The following TENM2 variants were observed in gnomAD, a reference collection of about 807,000 sequenced individuals.
TENM2 encodes teneurin transmembrane protein 2.
Under a neutral mutation model 245.2 loss-of-function variants are expected in TENM2, and 52 were observed. The observed-to-expected ratio is 0.21, with a 90% CI of 0.17 to 0.27. The LOEUF (loss-of-function observed/expected upper bound fraction) is 0.27, where lower values mean the gene tolerates loss of function less well. TENM2 is among the 10% of genes least tolerant of loss of function. The pLI is 1.00. For missense variants in TENM2, 3,046 were observed against 3,666.8 expected, an observed-to-expected ratio of 0.83 and a Z score of 4.37; for synonymous variants, 1,363 against 1,438.9, an observed-to-expected ratio of 0.95 and a Z score of 1.19.
the TENM2 span, among the ~76,000 whole-genome samples, chr5:166,981,971 T>C: frequency 6.6e-6 from 1 of 152,212 alleles, no homozygotes; most frequent in Non-Finnish European, 1.5e-5. Context: ...ATGGGTTTAT[T>C]ATGATAATAA....
chr5:167,104,169 A>G, the TENM2 span, among the ~76,000 whole-genome samples: 10,509 of 151,598 alleles, frequency 0.069, 1,217 homozygotes, highest in African/African-American at 0.24. Flanking sequence ...AGCCCTTTGA[A>G]GGCAAGACTG....
exon 3 of TENM2, chr5:167,876,129 G>A: frequency 6.4e-7 from 1 of 1,551,582 alleles, no homozygotes. Flanking sequence ...CAACCCTGAT[G>A]AGGAATTCTC....
chr5:167,443,776 A>C (rs893729991), intron 2 of TENM2, among the ~76,000 whole-genome samples: 1 of 152,144 alleles, frequency 6.6e-6, no homozygotes, highest in Non-Finnish European at 1.5e-5. Flanking sequence ...CTAATTTATT[A>C]TTAAAATAAT....
chr5:167,590,674 A>AT (rs761945242), intron 2 of TENM2, among the ~76,000 whole-genome samples: 1 of 151,894 alleles, frequency 6.6e-6, no homozygotes, highest in African/African-American at 2.4e-5. Context: ...CCTCAGTAGT[A>AT]TTTTTTTCCT....
At chr5:168,097,901 G>A (rs1203900112) in intron 8 of TENM2, 125 bp from the exon 11 acceptor site, 8 of 666,784 alleles carry the variant, frequency 1.2e-5, no homozygotes, top group Admixed American at 2.3e-5. Flanking sequence ...ATTGCTGACC[G>A]ATCCCCTATG....
At chr5:166,992,310 T>C in the TENM2 span, among the ~76,000 whole-genome samples, 2 of 152,298 alleles carry the variant, frequency 1.3e-5, no homozygotes, top group South Asian at 4.1e-4. Context: ...TTCCGAGGTT[T>C]GTTTGAGATT....
chr5:167,436,924 C>T (rs1012878497), intron 2 of TENM2, among the ~76,000 whole-genome samples: 15 of 152,174 alleles, frequency 9.9e-5, no homozygotes, highest in African/African-American at 3.6e-4. Flanking sequence ...TGCCTGGATG[C>T]CTAGGGAAAA....
chr5:168,175,114 C>T (rs116740290), intron 13 of TENM2, among the ~76,000 whole-genome samples: 4 of 152,172 alleles, frequency 2.6e-5, no homozygotes, highest in Admixed American at 6.5e-5. Flanking sequence ...AAGGACCTAA[C>T]GTGTCTGAGA....
intron 2 of TENM2, among the ~76,000 whole-genome samples, chr5:167,452,059 A>T (rs1372308551): frequency 6.6e-6 from 1 of 152,192 alleles, no homozygotes; most frequent in African/African-American, 2.4e-5. Context: ...AGCATAAAAC[A>T]TTGCCTACAT....
chr5:167,582,301 A>T (rs1775146850), intron 2 of TENM2, among the ~76,000 whole-genome samples: 1 of 152,188 alleles, frequency 6.6e-6, no homozygotes, highest in Non-Finnish European at 1.5e-5. Flanking sequence ...GTTTGAAAAG[A>T]TATGTAATTG....
chr5:168,216,940 T>A lies in TENM2; in HGVS notation c.4233+18T>A. ...TAGCCCAGGTGAGACTCTTTCTTAT[T>A]TCTCTTCACTAAGCAACACCTGCCC... On this transcript the variant is annotated intron_variant, in intron 22 of 28. Coordinates refer to ENST00000518659, the Ensembl canonical transcript of TENM2. 1 of 1,612,870 alleles carries A rather than the reference T, an allele frequency of 6.2e-7. No homozygotes were observed.
At chr5:167,991,430 C>T (rs1368834974) in intron 4 of TENM2, among the ~76,000 whole-genome samples, 1 of 152,332 alleles carries the variant, frequency 6.6e-6, no homozygotes, top group South Asian at 2.1e-4. Context: ...ATTTACTTAA[C>T]TCCTGCCTTA....
intron 12 of TENM2, among the ~76,000 whole-genome samples, chr5:168,160,301 A>C (rs1286516692): frequency 1.3e-5 from 2 of 152,184 alleles, no homozygotes; most frequent in Admixed American, 6.5e-5. Context: ...CTTTCCCTCC[A>C]CACACCGTCT....
At chr5:167,865,495 A>T (rs1178585895) in intron 2 of TENM2, among the ~76,000 whole-genome samples, 1 of 152,080 alleles carries the variant, frequency 6.6e-6, no homozygotes, top group East Asian at 1.9e-4. Flanking sequence ...GCCAGTTTCA[A>T]ACTCCTAGAC....
At chr5:167,963,362 A>G (rs1781154933) in intron 4 of TENM2, among the ~76,000 whole-genome samples, 1 of 152,216 alleles carries the variant, frequency 6.6e-6, no homozygotes, top group Admixed American at 6.5e-5. Context: ...TTTCTTAGCC[A>G]TGAGAGAGTA....
At chr5:168,080,738 A>T (rs756064831) in intron 7 of TENM2, among the ~76,000 whole-genome samples, 1 of 152,046 alleles carries the variant, frequency 6.6e-6, no homozygotes, top group African/African-American at 2.4e-5. Context: ...TAGTTGAGCG[A>T]TTCTGAGTGA....
At chr5:167,948,854 A>G (rs1172346129) in intron 3 of TENM2, 1 of 152,182 alleles carries the variant, frequency 6.6e-6, no homozygotes. Context: ...TGAGTTATTC[A>G]TCTCCGTTTC....
chr5:167,097,502 C>CCCT, the TENM2 span, among the ~76,000 whole-genome samples: 1 of 152,024 alleles, frequency 6.6e-6, no homozygotes, highest in Non-Finnish European at 1.5e-5. Flanking sequence ...GCATCATCTC[C>CCCT]GGGCACTCGC....
chr5:167,333,044 C>T (rs1174620311), intron 1 of TENM2, among the ~76,000 whole-genome samples: 2 of 152,150 alleles, frequency 1.3e-5, no homozygotes, highest in Non-Finnish European at 2.9e-5. Flanking sequence ...ACCCCAGAAA[C>T]AGTAGTGCGT....
Sources: allele counts gnomAD v4.1 joint callset (sites outside exome capture counted in the v4.1 genomes callset), GRCh38; gene constraint gnomAD v4.1.1; transcripts MANE v1.5; gene names NCBI Gene and HGNC (gene_info 2026-07-23, HGNC 2026-07-21).